Variants in PLCL1 observed in about 807,000 individuals in gnomAD.
PLCL1 encodes the protein inactive phospholipase C-like protein 1.
Under a neutral mutation model 84.4 loss-of-function variants are expected in PLCL1, and 41 were observed. That is an observed-to-expected ratio of 0.49 (90% CI 0.38 to 0.63). The LOEUF (loss-of-function observed/expected upper bound fraction) is 0.63, where lower values mean the gene tolerates loss of function less well. Among genes scored for constraint, PLCL1 ranks in the 30% least tolerant of loss-of-function variants. The pLI is 0.00. For synonymous variants in PLCL1, 490 were observed against 488.3 expected (o/e 1.00, Z -0.05); for missense variants, 1,206 against 1,367.8 (o/e 0.88, Z 1.87).
chr2:198,130,086 C>T (rs1694082781), intron 5 of PLCL1, among the ~76,000 whole-genome samples: 1 of 152,090 alleles, frequency 6.6e-6, no homozygotes, highest in East Asian at 1.9e-4. Flanking sequence ...CCTCAACCTG[C>T]TGGGCTCAAG....
chr2:197,938,014 C>T (rs1180867906), intron 1 of PLCL1, among the ~76,000 whole-genome samples: 1 of 152,150 alleles, frequency 6.6e-6, no homozygotes, highest in Non-Finnish European at 1.5e-5. Flanking sequence ...AGAAGTTACT[C>T]CCACGTCACT....
chr2:197,944,303 C>T (rs1016162188), intron 1 of PLCL1, among the ~76,000 whole-genome samples: 6 of 151,984 alleles, frequency 3.9e-5, no homozygotes, highest in African/African-American at 1.2e-4. Context: ...AATGCTGATT[C>T]CGGGGTTGAA....
rs1389288812 is a variant in PLCL1, at chr2:197,805,519, C to T, written c.240+180C>T. On this transcript the variant is annotated intron_variant, in intron 1 of 5. Coordinates refer to ENST00000428675, the MANE Select transcript of PLCL1 (RefSeq NM_006226.4). The surrounding 1 kb of genome is among the most constrained non-coding windows in gnomAD (Gnocchi z 4.0). ...CCAGACTCAGCTGTCAGCCACGAGA[C>T]GCACAAGTGACTTTTTCTCCCCACT... Among the ~76,000 whole-genome samples, 1 of 152,176 alleles carries T rather than the reference C, an allele frequency of 6.6e-6. No individual in the cohort carries two copies. Among genetic ancestry groups the T allele is most frequent in the African/African-American group, 2.4e-5 (1 of 41,444 alleles).
chr2:198,044,794 G>A (rs2105862658), intron 1 of PLCL1, among the ~76,000 whole-genome samples: 1 of 152,198 alleles, frequency 6.6e-6, no homozygotes, highest in African/African-American at 2.4e-5. Context: ...GAGGGGAGGG[G>A]CACTTTATTT....
Position 198,088,910 on chromosome 2 carries a change from T to C in PLCL1, c.2768T>C (p.Leu923Pro). Residue 923 changes from leucine (L) to proline (P), a missense_variant, in exon 3 of 6, where the codon CTG (leucine) becomes CCG (proline). Leu to Pro is a moderately conservative substitution (Grantham distance 98). Transcript: ENST00000428675. Reference sequence around the variant, plus strand: ...TGTGGACTCCCTCCAATTGCCAGTCTGAAGCAGTGCCTGTTAACTCTGTCA... The same window carrying C: ...TGTGGACTCCCTCCAATTGCCAGTCCGAAGCAGTGCCTGTTAACTCTGTCA... ...ELCGLPPIAS[L>P]KQCLLTLSSR... The C allele has an allele frequency of 6.2e-7, 1 of 1,613,184 alleles. No homozygotes were observed. Among genetic ancestry groups the C allele is most frequent in the Non-Finnish European group, 8.5e-7 (1 of 1,179,112 alleles).
intron 1 of PLCL1, among the ~76,000 whole-genome samples, chr2:197,972,845 TA>T (rs1171472186): frequency 1.6e-4 from 25 of 152,220 alleles, no homozygotes; most frequent in Admixed American, 1.6e-3. Context: ...GGTTACTTCA[TA>T]GACATGATCG....
intron 1 of PLCL1, among the ~76,000 whole-genome samples, chr2:197,897,141 C>A (rs902236426): frequency 3.3e-4 from 10 of 30,280 alleles, no homozygotes; most frequent in Non-Finnish European, 6.0e-4. Flanking sequence ...TCTTCTTCTT[C>A]TTCTTCTTCT....
At chr2:197,954,636 A>T (rs1015163050) in intron 1 of PLCL1, among the ~76,000 whole-genome samples, 1 of 152,096 alleles carries the variant, frequency 6.6e-6, no homozygotes, top group African/African-American at 2.4e-5. Context: ...TCTTTGCTGA[A>T]GTATGATTAT....
Position 198,084,107 on chromosome 2 carries a change from A to G in PLCL1, c.590A>G (p.Asn197Ser). ...DCAFSILHGE[N>S]YESLDLVANS... is the part of the protein sequence containing the mutation. ...GCCTTTTCCATACTCCACGGGGAAA[A>G]CTATGAGTCTCTGGACCTAGTTGCC... The change falls in exon 2 of 6, where the codon AAC (asparagine) becomes AGC (serine). Residue 197 changes from asparagine to serine, a missense_variant. Physicochemically the swap from Asn to Ser is conservative, Grantham distance 46. Transcript: ENST00000428675. 2 of 1,614,148 alleles carry G rather than the reference A, an allele frequency of 1.2e-6. No individual in the cohort carries two copies. Among genetic ancestry groups the G allele is most frequent in the Non-Finnish European group, 1.7e-6 (2 of 1,180,008 alleles).
At chr2:197,868,357 A>G (rs938833327) in intron 1 of PLCL1, among the ~76,000 whole-genome samples, 2 of 152,194 alleles carry the variant, frequency 1.3e-5, no homozygotes, top group Admixed American at 1.3e-4. Flanking sequence ...ACTAGGCAAG[A>G]AACAGGTAGG....
chr2:197,898,063 C>T (rs540502392), intron 1 of PLCL1, among the ~76,000 whole-genome samples: 10 of 152,288 alleles, frequency 6.6e-5, no homozygotes, highest in Non-Finnish European at 1.3e-4. Flanking sequence ...AGCTAAAAGG[C>T]GTCTGTCCAG....
At chr2:198,145,573 A>G (rs1268354599) in intron 5 of PLCL1, among the ~76,000 whole-genome samples, 1 of 152,208 alleles carries the variant, frequency 6.6e-6, no homozygotes, top group Admixed American at 6.5e-5. Context: ...TAATTGATGT[A>G]CTTGAGAAGA....
chr2:198,107,622 T>C (rs995706599), intron 5 of PLCL1, among the ~76,000 whole-genome samples: 5 of 151,974 alleles, frequency 3.3e-5, no homozygotes, highest in African/African-American at 1.2e-4. Flanking sequence ...GTTTTTGTTA[T>C]TTTTATTTCT....
intron 1 of PLCL1, among the ~76,000 whole-genome samples, chr2:197,831,730 C>T (rs1466247430): frequency 1.3e-5 from 2 of 152,134 alleles, no homozygotes; most frequent in Non-Finnish European, 2.9e-5. Flanking sequence ...CTTCTCAGCA[C>T]CACATAGCAC....
intron 1 of PLCL1, among the ~76,000 whole-genome samples, chr2:197,937,954 C>T (rs772115181): frequency 2.0e-5 from 3 of 152,126 alleles, no homozygotes; most frequent in Non-Finnish European, 4.4e-5. Flanking sequence ...TCACTTTGTG[C>T]ATTGTACTTG....
chr2:197,906,331 CTT>C (rs796809699), intron 1 of PLCL1, among the ~76,000 whole-genome samples: 1 of 143,266 alleles, frequency 7.0e-6, no homozygotes, highest in African/African-American at 2.5e-5. Flanking sequence ...TTCCCTATTG[CTT>C]TTTTTTTTTG....
intron 1 of PLCL1, among the ~76,000 whole-genome samples, chr2:198,048,069 A>T (rs147274213): frequency 6.6e-6 from 1 of 152,214 alleles, no homozygotes; most frequent in Admixed American, 6.5e-5. Flanking sequence ...GAAAAGCTTT[A>T]TGGAGAATAT....
At chr2:198,031,503 T>C (rs1691422522) in intron 1 of PLCL1, among the ~76,000 whole-genome samples, 1 of 152,038 alleles carries the variant, frequency 6.6e-6, no homozygotes, top group Non-Finnish European at 1.5e-5. Context: ...TATTGGTTGA[T>C]TGATTGAGAC....
At chr2:197,811,091 TTTG>T (rs568882380) in intron 1 of PLCL1, among the ~76,000 whole-genome samples, 125 of 152,360 alleles carry the variant, frequency 8.2e-4, no homozygotes, top group Non-Finnish European at 6.0e-4. Context: ...TATTTGTAGT[TTTG>T]TTGACTCTTA....
Sources: allele counts gnomAD v4.1 joint callset (sites outside exome capture counted in the v4.1 genomes callset), GRCh38; gene constraint gnomAD v4.1.1; non-coding constraint Gnocchi (gnomAD v3.1); transcripts MANE v1.5; gene names NCBI Gene and HGNC (gene_info 2026-07-23, HGNC 2026-07-21).